The following DAB1 variants were observed in gnomAD, a reference collection of about 807,000 sequenced individuals.
DAB1 encodes disabled homolog 1.
Under a neutral mutation model 64.6 loss-of-function variants are expected in DAB1, and 15 were observed. The observed-to-expected ratio is 0.23, with a 90% CI of 0.16 to 0.36. DAB1 has a LOEUF of 0.36. DAB1 is among the 10% of genes least tolerant of loss of function. The probability of loss-of-function intolerance (pLI) is 1.00; values close to 1 mark genes in which losing one functional copy is unlikely to be tolerated. For synonymous variants in DAB1, 235 were observed against 251.9 expected, an observed-to-expected ratio of 0.93 and a Z score of 0.64; for missense variants, 596 against 706.7, an observed-to-expected ratio of 0.84 and a Z score of 1.78.
intron 7 of DAB1, among the ~76,000 whole-genome samples, chr1:57,607,426 C>G (rs1645670515): frequency 1.3e-5 from 2 of 152,162 alleles, no homozygotes; most frequent in Admixed American, 6.5e-5. Context: ...ATCTTCTCTT[C>G]AAACTTGTTT....
At chr1:58,145,454 A>G (rs963639364) in intron 5 of DAB1, among the ~76,000 whole-genome samples, 1 of 151,912 alleles carries the variant, frequency 6.6e-6, no homozygotes, top group Non-Finnish European at 1.5e-5. Flanking sequence ...ATTAAATATA[A>G]TGATGAAAGT....
intron 2 of DAB1, among the ~76,000 whole-genome samples, chr1:57,242,666 C>T (rs1306550383): frequency 6.6e-6 from 1 of 152,184 alleles, no homozygotes; most frequent in Non-Finnish European, 1.5e-5. Context: ...CTCTACCTAA[C>T]AGAGTTTCCT....
chr1:58,313,638 G>A (rs1421323814), intron 4 of DAB1, among the ~76,000 whole-genome samples: 8 of 152,178 alleles, frequency 5.3e-5, no homozygotes, highest in South Asian at 2.1e-4. Flanking sequence ...AAAGTAACCC[G>A]GTGTGTCAGT....
intron 2 of DAB1, among the ~76,000 whole-genome samples, chr1:57,213,067 C>A (rs1307753237): frequency 6.6e-6 from 1 of 151,948 alleles, no homozygotes; most frequent in African/African-American, 2.4e-5. Context: ...GTGGACTGTG[C>A]TGCCCAGGGC....
Position 57,943,950 on chromosome 1 carries a change from G to A in DAB1, n.388-59788C>T, listed in dbSNP as rs1645143010. ...TACTCCTGCCTGAGAAGAGGGAAGAGAGAAACTGGAGTCACATTGGACCCC... is the reference window on the plus strand; with the variant it reads ...TACTCCTGCCTGAGAAGAGGGAAGAAAGAAACTGGAGTCACATTGGACCCC... On this transcript the variant is annotated intron_variant and non_coding_transcript_variant, in intron 5 of 20. Transcript: ENST00000485760. 2.0e-5 allele frequency among the ~76,000 whole-genome samples: 3 copies of A among 152,212 alleles called. No individual in the cohort carries two copies. The South Asian group carries it at 6.2e-4, about 32-fold the overall frequency.
intron 7 of DAB1, among the ~76,000 whole-genome samples, chr1:57,581,931 G>A (rs1055637009): frequency 3.3e-5 from 5 of 152,092 alleles, no homozygotes; most frequent in African/African-American, 1.2e-4. Flanking sequence ...ATTTCTCATA[G>A]TTTTTGAGGC....
chr1:57,735,620 T>G (rs561320309), intron 6 of DAB1, among the ~76,000 whole-genome samples: 2 of 134,198 alleles, frequency 1.5e-5, no homozygotes, highest in South Asian at 2.3e-4. Flanking sequence ...TTTTTTTTTT[T>G]TTTTTTTTTT....
chr1:57,965,065 T>TGGATGGAACATTCATGTGTGAAGAAC (rs1645628197), intron 5 of DAB1, among the ~76,000 whole-genome samples: 4 of 152,312 alleles, frequency 2.6e-5, no homozygotes, highest in South Asian at 2.1e-4. Flanking sequence ...GTGTGAAGAA[T>TGGATGGAACATTCATGTGTGAAGAAC]GGATGGCAAA....
At chr1:57,616,440 T>C (rs1468711375) in intron 7 of DAB1, among the ~76,000 whole-genome samples, 3 of 152,196 alleles carry the variant, frequency 2.0e-5, no homozygotes, top group Non-Finnish European at 4.4e-5. Flanking sequence ...ACCTTGTCAG[T>C]TTTGCTCACC....
At chr1:57,888,355 T>C (rs190906889), upstream of DAB1, among the ~76,000 whole-genome samples, 53 of 152,304 alleles carry the variant, frequency 3.5e-4, no homozygotes, top group Non-Finnish European at 7.1e-4. Context: ...CCCCATCAGA[T>C]GGATATACAG....
chr1:57,960,861 G>A (rs1389047089), intron 5 of DAB1, among the ~76,000 whole-genome samples: 1 of 152,232 alleles, frequency 6.6e-6, no homozygotes, highest in East Asian at 1.9e-4. Context: ...CAACCCTTAG[G>A]AGCTTGCAGA....
chr1:57,479,025 T>TGGA (rs1438789516), intron 7 of DAB1, among the ~76,000 whole-genome samples: 1 of 152,186 alleles, frequency 6.6e-6, no homozygotes, highest in African/African-American at 2.4e-5. Context: ...ATATAGTTGT[T>TGGA]AATTCAGATT....
intron 2 of DAB1, among the ~76,000 whole-genome samples, chr1:57,290,380 G>A (rs1672674829): frequency 1.3e-5 from 2 of 152,152 alleles, no homozygotes; most frequent in Admixed American, 1.3e-4. Context: ...CAGAGTCTTG[G>A]GTCCTACCCT....
chr1:57,634,317 G>A (rs981686103), intron 7 of DAB1, among the ~76,000 whole-genome samples: 1 of 152,194 alleles, frequency 6.6e-6, no homozygotes, highest in Non-Finnish European at 1.5e-5. Context: ...GTCAGATGAG[G>A]GTTCTGATCT....
At position 57,493,111 on chromosome 1, in the gene DAB1, G is replaced by A. The variant is rs1644184773; in HGVS notation, n.625+156481C>T. Among the ~76,000 whole-genome samples, 4 of 136,132 alleles carry A rather than the reference G, an allele frequency of 2.9e-5. No homozygotes were observed. In the Admixed American group the frequency reaches 3.3e-4, roughly 11 times the overall value. 89.3% of individuals were successfully genotyped at this position (136,132 alleles called of 152,430 possible). A position where few individuals can be genotyped will look rare whatever the true frequency, so the allele number is the denominator to read the frequency against. ...CAGATGGTGCTCACTGAAGGGCAGGGATCAAATTGTGTGTATGTGTGTGTG... is the reference window on the plus strand; with the variant it reads ...CAGATGGTGCTCACTGAAGGGCAGGAATCAAATTGTGTGTATGTGTGTGTG... On this transcript the variant is annotated intron_variant and non_coding_transcript_variant, in intron 7 of 20. Coordinates refer to the DAB1 transcript ENST00000485760.
intron 4 of DAB1, among the ~76,000 whole-genome samples, chr1:58,180,288 T>C (rs1296535904): frequency 5.3e-5 from 2 of 37,572 alleles, no homozygotes; most frequent in Admixed American, 2.7e-4. Context: ...TTTCTTTTTT[T>C]TTTTTTTTTT....
At chr1:58,036,466 A>G (rs939319113) in intron 5 of DAB1, among the ~76,000 whole-genome samples, 10 of 152,212 alleles carry the variant, frequency 6.6e-5, no homozygotes, top group African/African-American at 2.4e-4. Context: ...TTGGAGGCTA[A>G]GTTCTAGTTC....
At chr1:57,351,676 A>G (rs931711696) in intron 1 of DAB1, among the ~76,000 whole-genome samples, 1 of 152,092 alleles carries the variant, frequency 6.6e-6, no homozygotes, top group Non-Finnish European at 1.5e-5. Context: ...GCATGCATGC[A>G]TGTGCGCATA....
At chr1:57,741,933 T>C (rs1224415050) in intron 6 of DAB1, among the ~76,000 whole-genome samples, 2 of 152,202 alleles carry the variant, frequency 1.3e-5, no homozygotes, top group Non-Finnish European at 2.9e-5. Context: ...CTGTAAACTT[T>C]CCCTTGTTAC....
Sources: gnomAD v4.1 joint callset for allele counts (sites outside exome capture counted in the v4.1 genomes callset) on GRCh38, gnomAD v4.1.1 for gene constraint, MANE v1.5 for transcripts, NCBI Gene and HGNC (gene_info 2026-07-23, HGNC 2026-07-21) for gene names.